Variants in GPLD1 observed in about 807,000 individuals in gnomAD.
GPLD1 encodes the protein glycosylphosphatidylinositol specific phospholipase D1, also known as phosphatidylinositol-glycan-specific phospholipase D.
In GPLD1, 84 loss-of-function variants were observed where a neutral mutation model predicts 112.6. That is an observed-to-expected ratio of 0.75 (90% CI 0.63 to 0.89). The LOEUF is 0.89. Ranked by LOEUF, GPLD1 falls within the 40% of genes least tolerant of loss-of-function variation. GPLD1 has a pLI of 0.00. For missense variants in GPLD1, 1,044 were observed against 1,051.5 expected, an observed-to-expected ratio of 0.99 and a Z score of 0.10; for synonymous variants, 386 against 403.8, an observed-to-expected ratio of 0.96 and a Z score of 0.53.
At chr6:24,494,126 T>C (rs1159084898), upstream of GPLD1, among the ~76,000 whole-genome samples, 1 of 152,242 alleles carries the variant, frequency 6.6e-6, no homozygotes, top group African/African-American at 2.4e-5. Flanking sequence ...TGCTTCCATT[T>C]ACTAGTTGGT....
chr6:24,470,175 G>A (rs1160707356), intron 7 of GPLD1, among the ~76,000 whole-genome samples: 4 of 151,844 alleles, frequency 2.6e-5, no homozygotes. Context: ...TCACCCTGTC[G>A]CCCAAGCTGG....
intron 2 of GPLD1, among the ~76,000 whole-genome samples, chr6:24,485,212 A>C (rs1319309123): frequency 6.6e-6 from 1 of 152,156 alleles, no homozygotes; most frequent in South Asian, 2.1e-4. Flanking sequence ...AAAATAAATG[A>C]TCTCTCTCAA....
intron 3 of GPLD1, 126 bp downstream of exon 3, chr6:24,479,755 T>C (rs1332596204): frequency 1.8e-6 from 1 of 552,468 alleles, no homozygotes; most frequent in Non-Finnish European, 3.2e-6. Context: ...TTCTCAACAA[T>C]AATGGAAAAT....
chr6:24,477,379 T>A (rs771798941), intron 3 of GPLD1, among the ~76,000 whole-genome samples: 2 of 151,072 alleles, frequency 1.3e-5, no homozygotes, highest in Non-Finnish European at 2.9e-5. Context: ...GATGTCCTTG[T>A]TACTGTAATT....
chr6:24,482,764 GC>G (rs1307992003), intron 2 of GPLD1, among the ~76,000 whole-genome samples: 30 of 151,974 alleles, frequency 2.0e-4, no homozygotes, highest in African/African-American at 7.0e-4. Flanking sequence ...TTCAAGACCA[GC>G]CTGGGTGACA....
Position 24,454,148 on chromosome 6 carries a change from C to G in GPLD1, c.1202G>C (p.Gly401Ala). Residue 401 changes from glycine to alanine, a missense_variant, in exon 14 of 25, where the codon GGC becomes GCC. Gly to Ala is a moderately conservative substitution (Grantham distance 60). Coordinates refer to ENST00000230036, the MANE Select transcript of GPLD1 (RefSeq NM_001503.4). ...GCCGGGGCGGCTGTAGCCTGGTGCG[C>G]CCACCACGAGGTCACCGTGCCCATC... ...NQDGHGDLVV[G>A]APGYSRPGHI... 6.2e-7 allele frequency: 1 copy of G among 1,613,896 alleles called. No individual in the cohort carries two copies. The highest frequency in any genetic ancestry group is 8.5e-7 in the Non-Finnish European group (1 of 1,179,896).
Position 24,475,135 on chromosome 6 carries a change from T to C in GPLD1, c.427A>G (p.Arg143Gly). 1 of 1,583,672 alleles carries C rather than the reference T, an allele frequency of 6.3e-7. No individual in the cohort carries two copies. Among genetic ancestry groups the C allele is most frequent in the Non-Finnish European group, 8.7e-7 (1 of 1,152,182 alleles). Residue 143 changes from arginine to glycine, a missense_variant, in exon 5 of 25, where the codon AGG becomes GGG. Transcript: ENST00000230036. ...GATGTACTCACAGCTCCCATGGTCCTAAGGAATCCTTGTTCAAGGCCCAGA... is the reference window on the plus strand; with the variant it reads ...GATGTACTCACAGCTCCCATGGTCCCAAGGAATCCTTGTTCAAGGCCCAGA... ...HSLGLEQGFLRTMGAIDFHGS... is the reference protein window; with the variant it reads ...HSLGLEQGFLGTMGAIDFHGS...
In GPLD1 at chr6:24,464,233, C is replaced by G. The variant is rs181227998; in HGVS notation, c.822-1438G>C. Among the ~76,000 whole-genome samples, 10 of 152,278 alleles carry G rather than the reference C, an allele frequency of 6.6e-5. No individual in the cohort carries two copies. In the East Asian group the frequency reaches 1.9e-3, roughly 29 times the overall value. ...CATGACTGATCTAATTTACTCCTCA[C>G]AAAAATCCTATGGTAAAAATAGTAT... On this transcript the variant is annotated intron_variant, in intron 10 of 24. Coordinates refer to ENST00000230036, the MANE Select transcript of GPLD1 (RefSeq NM_001503.4).
At chr6:24,440,740 G>T (rs1206926519) in intron 20 of GPLD1, among the ~76,000 whole-genome samples, 6 of 136,198 alleles carry the variant, frequency 4.4e-5, no homozygotes, top group Admixed American at 7.4e-5. Context: ...AAAAAAAAAA[G>T]CATAAAGAAG....
intron 6 of GPLD1, chr6:24,473,301 G>T: frequency 5.1e-6 from 1 of 194,390 alleles, no homozygotes; most frequent in East Asian, 1.2e-4. Context: ...CTAGTTTAAA[G>T]CTAAAGTATT....
intron 15 of GPLD1, among the ~76,000 whole-genome samples, chr6:24,449,451 C>T (rs142128235): frequency 1.5e-4 from 23 of 152,234 alleles, no homozygotes; most frequent in Admixed American, 5.2e-4. Context: ...GAAGTCACCT[C>T]GCTGTTGTGA....
At chr6:24,465,207 A>AG (rs1763562846) in intron 10 of GPLD1, among the ~76,000 whole-genome samples, 1 of 140,378 alleles carries the variant, frequency 7.1e-6, no homozygotes, top group African/African-American at 3.0e-5. Flanking sequence ...AAAAAAAAAA[A>AG]AAAAAAGAAA....
chr6:24,466,865 C>A (rs1370935812), intron 9 of GPLD1, 46 bp from the exon 10 acceptor site: 1 of 1,594,632 alleles, frequency 6.3e-7, no homozygotes. Flanking sequence ...GGTACTATTC[C>A]TGGTATCTTT....
At chr6:24,459,919 C>T (rs897997682) in intron 12 of GPLD1, among the ~76,000 whole-genome samples, 6 of 152,040 alleles carry the variant, frequency 3.9e-5, no homozygotes, top group African/African-American at 1.4e-4. Context: ...GAGTATTTGC[C>T]GGCCTGGCAC....
chr6:24,432,247 TAA>T (rs71002493), intron 24 of GPLD1, among the ~76,000 whole-genome samples: 3 of 90,764 alleles, frequency 3.3e-5, no homozygotes, highest in Non-Finnish European at 2.0e-5. Context: ...GACTCTGTCT[TAA>T]AAAAAAAAAA....
intron 11 of GPLD1, among the ~76,000 whole-genome samples, chr6:24,461,577 T>A (rs574868816): frequency 4.2e-4 from 64 of 152,108 alleles, no homozygotes; most frequent in African/African-American, 1.5e-3. Flanking sequence ...CTGTTGCAAA[T>A]CCCCAGAACA....
In GPLD1 at chr6:24,485,974, G is replaced by A. The variant is rs939158664; in HGVS notation, c.153+101C>T. The A allele has an allele frequency of 8.0e-6, 6 of 748,226 alleles. No individual in the cohort carries two copies. The African/African-American group carries it at 8.8e-5, about 11-fold the overall frequency. 46.3% of individuals were successfully genotyped at this position (748,226 alleles called of 1,614,324 possible). A position where few individuals can be genotyped will look rare whatever the true frequency, so the allele number is the denominator to read the frequency against. On this transcript the variant is annotated intron_variant, in intron 2 of 24. Transcript: ENST00000230036. ...ATGAGCCACCACGCCCAGCCAAAAT[G>A]AGTCTTAAAATTACTGTTTAAATAT...
intron 20 of GPLD1, among the ~76,000 whole-genome samples, chr6:24,441,664 C>A (rs1205994725): frequency 6.6e-6 from 1 of 152,184 alleles, no homozygotes; most frequent in Non-Finnish European, 1.5e-5. Context: ...CTGTACAGTG[C>A]CGAGAGAAGC....
At chr6:24,447,534 C>CAAT (rs1316149351) in intron 17 of GPLD1, among the ~76,000 whole-genome samples, 1 of 151,266 alleles carries the variant, frequency 6.6e-6, no homozygotes, top group African/African-American at 2.4e-5. Flanking sequence ...GAAAAAACAA[C>CAAT]AATAACAACA....
Sources: gnomAD v4.1 joint callset for allele counts (sites outside exome capture counted in the v4.1 genomes callset) on GRCh38, gnomAD v4.1.1 for gene constraint, MANE v1.5 for transcripts, NCBI Gene and HGNC (gene_info 2026-07-23, HGNC 2026-07-21) for gene names.